The following L3HYPDH variants were observed in gnomAD, a reference collection of about 807,000 sequenced individuals.
L3HYPDH encodes trans-3-hydroxy-L-proline dehydratase.
L3HYPDH carries 32 observed loss-of-function variants against 26.5 expected under a neutral mutation model. The ratio of observed to expected loss-of-function variants is 1.21; its 90% CI spans 0.91 to 1.62. The LOEUF (loss-of-function observed/expected upper bound fraction) is 1.62. Ranked by LOEUF, L3HYPDH falls within the 40% of genes most tolerant of loss-of-function variation. The pLI, the probability that L3HYPDH is intolerant of heterozygous loss-of-function variation, is 0.00. For synonymous variants in L3HYPDH, 215 were observed against 196.6 expected (o/e 1.09, Z -0.78); for missense variants, 554 against 476.4 (o/e 1.16, Z -1.52).
At chr14:59,495,932 C>T in the L3HYPDH span, among the ~76,000 whole-genome samples, 2 of 152,318 alleles carry the variant, frequency 1.3e-5, no homozygotes, top group African/African-American at 4.8e-5. Context: ...GACAGAGTCT[C>T]GTTCTGTCAC....
chr14:59,503,812 T>A, the L3HYPDH span: 1 of 1,237,218 alleles, frequency 8.1e-7, no homozygotes, highest in Non-Finnish European at 1.2e-6. Context: ...CTTAGCCTGA[T>A]AATCTGTATT....
the L3HYPDH span, among the ~76,000 whole-genome samples, chr14:59,492,269 C>T: frequency 7.7e-4 from 117 of 152,106 alleles, no homozygotes; most frequent in African/African-American, 2.6e-3. Context: ...AAAAGGTAGT[C>T]AGCAGATTAA....
At chr14:59,492,862 A>T in the L3HYPDH span, among the ~76,000 whole-genome samples, 1 of 146,508 alleles carries the variant, frequency 6.8e-6, no homozygotes, top group Non-Finnish European at 1.5e-5. Context: ...CGGTGGTGCG[A>T]CCTCGGCTCA....
upstream of L3HYPDH, chr14:59,486,655 G>T: frequency 8.4e-7 from 1 of 1,193,486 alleles, no homozygotes; most frequent in Non-Finnish European, 1.2e-6. Flanking sequence ...AGCTATTATT[G>T]CAATTATTTT....
chr14:59,471,282 A>G (rs1889305532), downstream of L3HYPDH, among the ~76,000 whole-genome samples: 1 of 152,220 alleles, frequency 6.6e-6, no homozygotes. Flanking sequence ...TTAAAGTACT[A>G]TATCCTAGAC....
At chr14:59,474,681 C>T in intron 4 of L3HYPDH, 1 of 566,808 alleles carries the variant, frequency 1.8e-6, no homozygotes, top group Non-Finnish European at 3.1e-6. Context: ...CTCCAATTCT[C>T]CGTTTTATCA....
downstream of L3HYPDH, among the ~76,000 whole-genome samples, chr14:59,472,461 GAAGCTGACTCCAGCCCCATC>G (rs1478060505): frequency 8.2e-4 from 125 of 152,266 alleles, no homozygotes; most frequent in African/African-American, 1.8e-3. Flanking sequence ...CTATAACAAA[GAAGCTGACTCCAGCCCCATC>G]CTTCCCAGGC....
At chr14:59,492,722 ATGTTT>A in the L3HYPDH span, among the ~76,000 whole-genome samples, 4 of 152,138 alleles carry the variant, frequency 2.6e-5, no homozygotes, top group Admixed American at 6.5e-5. Flanking sequence ...CACAGCATAA[ATGTTT>A]TGTTAAGTCT....
At chr14:59,491,307 G>T in the L3HYPDH span, among the ~76,000 whole-genome samples, 2 of 152,294 alleles carry the variant, frequency 1.3e-5, no homozygotes, top group East Asian at 1.9e-4. Context: ...GCTGGTGGGG[G>T]TATTTTTCCA....
At chr14:59,488,346 G>A (rs1024977124), upstream of L3HYPDH, among the ~76,000 whole-genome samples, 1 of 152,146 alleles carries the variant, frequency 6.6e-6, no homozygotes, top group Admixed American at 6.5e-5. Context: ...GAGAAAACAA[G>A]TGTGTACATA....
intron 1 of L3HYPDH, chr14:59,483,575 C>A: frequency 1.4e-6 from 2 of 1,419,638 alleles, no homozygotes; most frequent in Non-Finnish European, 1.8e-6. Flanking sequence ...CAATTCCTCG[C>A]TCCTCAAGGG....
At chr14:59,499,000 A>T in the L3HYPDH span, 21 of 348,158 alleles carry the variant, frequency 6.0e-5, no homozygotes, top group East Asian at 2.7e-4. Flanking sequence ...TTTCCTTAAG[A>T]TAGTTTGTTT....
chr14:59,499,691 TAATGTAATTTGGTAATATAGTTTGGG>T, the L3HYPDH span, among the ~76,000 whole-genome samples: 5,992 of 152,280 alleles, frequency 0.039, 156 homozygotes, highest in Non-Finnish European at 0.058. Flanking sequence ...TGGAGCTTGG[TAATGTAATTTGGTAATATAGTTTGGG>T]AATGTAATTT....
At chr14:59,503,264 GT>G in the L3HYPDH span, among the ~76,000 whole-genome samples, 1 of 152,152 alleles carries the variant, frequency 6.6e-6, no homozygotes, top group African/African-American at 2.4e-5. Context: ...TAACTAACCT[GT>G]TGCAAATTAC....
upstream of L3HYPDH, chr14:59,485,442 T>C (rs1196828170): frequency 4.3e-6 from 1 of 233,590 alleles, no homozygotes; most frequent in Non-Finnish European, 8.2e-6. Context: ...TATTCAATGC[T>C]GTTTCTCTTT....
chr14:59,472,900 A>C lies in L3HYPDH; in HGVS notation c.*65T>G, dbSNP rs1889363106. The C allele has an allele frequency of 7.2e-7, 1 of 1,381,640 alleles. No homozygotes were observed. Among genetic ancestry groups the C allele is most frequent in the East Asian group, 2.4e-5 (1 of 41,402 alleles). The allele number at this position is 1,381,640 out of a possible 1,614,324, so 85.6% of individuals were successfully genotyped here. ...TAATTTATTTGTTTTCATATAATTTAGAGAAAACAGTCCTTAAGGATAATG... is the reference window on the plus strand; with the variant it reads ...TAATTTATTTGTTTTCATATAATTTCGAGAAAACAGTCCTTAAGGATAATG... On this transcript the variant is annotated 3_prime_UTR_variant, in exon 5 of 5. Coordinates refer to ENST00000247194, the MANE Select transcript of L3HYPDH (RefSeq NM_144581.2).
chr14:59,483,799 CG>C lies in L3HYPDH; in HGVS notation c.508+9del. ...GCTCTGCCCTGGGCTGGAAAGGTCC[CG>C]CCCATTACCTGTGGCCAGCACGAAG... is the stretch of plus-strand genomic sequence containing the variant. On this transcript the variant is annotated intron_variant, in intron 1 of 4. Coordinates refer to ENST00000247194, the MANE Select transcript of L3HYPDH (RefSeq NM_144581.2). 6.3e-7 allele frequency: 1 copy of C among 1,591,330 alleles called. No homozygotes were observed.
intron 1 of L3HYPDH, among the ~76,000 whole-genome samples, chr14:59,481,549 A>T (rs1890023788): frequency 6.6e-6 from 1 of 152,194 alleles, no homozygotes; most frequent in Non-Finnish European, 1.5e-5. Flanking sequence ...TTTCTTCTAT[A>T]CAAGCATATC....
At chr14:59,489,796 A>T in the L3HYPDH span, among the ~76,000 whole-genome samples, 1 of 152,192 alleles carries the variant, frequency 6.6e-6, no homozygotes, top group East Asian at 1.9e-4. Flanking sequence ...GAAGCTTACA[A>T]TCATGGCAGA....
Sources: allele counts gnomAD v4.1 joint callset (sites outside exome capture counted in the v4.1 genomes callset), GRCh38; gene constraint gnomAD v4.1.1; transcripts MANE v1.5; gene names NCBI Gene and HGNC (gene_info 2026-07-23, HGNC 2026-07-21).